TMEM50B: variants seen among roughly 807,000 people sequenced by gnomAD.
The protein encoded by TMEM50B is HCV p7-trans-regulated protein 3.
In TMEM50B, 14 loss-of-function variants were observed where a neutral mutation model predicts 23.4. The observed-to-expected ratio is 0.60, with a 90% CI of 0.39 to 0.93. TMEM50B has a LOEUF of 0.93. Ranked by LOEUF, TMEM50B falls within the 40% of genes least tolerant of loss-of-function variation. The pLI is 0.00. For synonymous variants in TMEM50B, 64 were observed against 62.3 expected (o/e 1.03, Z -0.13); for missense variants, 159 against 193.0 (o/e 0.82, Z 1.04).
chr21:33,470,424 CAAAAAAA>C (rs71194848), intron 1 of TMEM50B, among the ~76,000 whole-genome samples: 5 of 65,962 alleles, frequency 7.6e-5, no homozygotes, highest in Non-Finnish European at 1.4e-4. Flanking sequence ...GACTGTGTCT[CAAAAAAA>C]AAAAAAAAAA....
At chr21:33,458,089 C>T (rs572403548) in intron 5 of TMEM50B, among the ~76,000 whole-genome samples, 1 of 152,262 alleles carries the variant, frequency 6.6e-6, no homozygotes, top group African/African-American at 2.4e-5. Context: ...TGAAGCTCTC[C>T]GAACCTCTTC....
Position 33,458,511 on chromosome 21 carries a change from C to G in TMEM50B, c.373+1902G>C, listed in dbSNP as rs2084189752. Among the ~76,000 whole-genome samples, 3 of 152,032 alleles carry G rather than the reference C, an allele frequency of 2.0e-5. No individual in the cohort carries two copies. In the South Asian group the frequency reaches 6.2e-4, roughly 31 times the overall value. On this transcript the variant is annotated intron_variant, in intron 5 of 6. Transcript: ENST00000542230. The stretch of plus-strand genomic sequence containing the variant: ...CCTGGGCGACAGAGCAAGGTTCTGT[C>G]TCAAAAAAACACTTTCCTATAAGAT...
chr21:33,455,387 T>C (rs1297740029), intron 6 of TMEM50B, among the ~76,000 whole-genome samples: 6 of 152,086 alleles, frequency 3.9e-5, no homozygotes, highest in Non-Finnish European at 8.8e-5. Context: ...GGTTTTGCCA[T>C]GTTGCCCAGG....
chr21:33,457,759 T>C (rs184785504), intron 5 of TMEM50B, among the ~76,000 whole-genome samples: 331 of 152,144 alleles, frequency 2.2e-3, no homozygotes, highest in African/African-American at 4.0e-3. Flanking sequence ...CTATAGAAAC[T>C]GTAAAGCTCA....
At position 33,471,809 on chromosome 21, in the gene TMEM50B, G is replaced by A. The variant is rs2084318755; in HGVS notation, c.-41-2883C>T. 2.6e-5 allele frequency among the ~76,000 whole-genome samples: 4 copies of A among 152,114 alleles called. No homozygotes were observed. In the South Asian group the frequency reaches 8.3e-4, roughly 32 times the overall value. ...CCAGCACTTTGGGAGGCCGAGGCAG[G>A]CGGATCACGAGGTCAGGAGATCGAG... On this transcript the variant is annotated intron_variant, in intron 1 of 6. Transcript: ENST00000542230.
At chr21:33,466,892 T>G in intron 3 of TMEM50B, 118 bp downstream of exon 3, 1 of 728,838 alleles carries the variant, frequency 1.4e-6, no homozygotes, top group South Asian at 2.0e-5. Context: ...TATGTATGTA[T>G]CATGTTAAAA....
intron 7 of TMEM50B, among the ~76,000 whole-genome samples, chr21:33,441,897 C>T (rs1200240894): frequency 1.3e-5 from 2 of 152,188 alleles, no homozygotes; most frequent in Non-Finnish European, 2.9e-5. Context: ...TTCTAAAATG[C>T]TGGGATTACA....
rs1412302599 is a variant in TMEM50B at position 33,467,006 on chromosome 21, T to C, written c.212+4A>G. 7 of 1,608,092 alleles carry C rather than the reference T, an allele frequency of 4.4e-6. No homozygotes were observed. Among genetic ancestry groups the C allele is most frequent in the Non-Finnish European group, 6.0e-6 (7 of 1,174,964 alleles). On this transcript the variant is annotated splice_donor_region_variant and intron_variant, in intron 3 of 6. Coordinates refer to ENST00000542230, the MANE Select transcript of TMEM50B (RefSeq NM_006134.7). ...CTTGAATAGAGAATTATCTTCATAC[T>C]TACATGAAGAAAGCCAATGTGGAAA...
intron 1 of TMEM50B, among the ~76,000 whole-genome samples, chr21:33,477,747 G>C (rs548826507): frequency 6.6e-6 from 1 of 151,648 alleles, no homozygotes; most frequent in Non-Finnish European, 1.5e-5. Flanking sequence ...GGAGGCGGAG[G>C]TTGCAGTGAG....
rs1366201748 is a variant in TMEM50B, at chr21:33,450,162, A to AT, written c.*655dup. 6.7e-6 allele frequency: 1 copy of AT among 150,244 alleles called. No individual in the cohort carries two copies. The highest frequency in any genetic ancestry group is 2.4e-5 in the African/African-American group (1 of 40,882). The allele number at this position is 150,244 out of a possible 1,614,324, so 9.3% of individuals were successfully genotyped here. ...GCTCATTCTAGATATATGAAGCTAT[A>AT]TTTTTTTGTACATCTTCAGAAATCA... On this transcript the variant is annotated 3_prime_UTR_variant, in exon 7 of 7. Coordinates refer to ENST00000542230, the MANE Select transcript of TMEM50B (RefSeq NM_006134.7).
chr21:33,439,256 T>G (rs1010311574), exon 8 of TMEM50B: 5 of 152,224 alleles, frequency 3.3e-5, no homozygotes, highest in African/African-American at 1.2e-4. Context: ...GCTTCTTCTG[T>G]TGGGCAGCAG....
At chr21:33,460,187 T>A (rs2084204512) in intron 5 of TMEM50B, among the ~76,000 whole-genome samples, 1 of 152,236 alleles carries the variant, frequency 6.6e-6, no homozygotes, top group Admixed American at 6.5e-5. Context: ...TGGAGACAGC[T>A]GAGAGGTACC....
intron 7 of TMEM50B, among the ~76,000 whole-genome samples, chr21:33,441,846 G>C (rs910174239): frequency 6.6e-6 from 1 of 152,128 alleles, no homozygotes; most frequent in Non-Finnish European, 1.5e-5. Context: ...GCCCAGGCTG[G>C]TCTTGAACTC....
chr21:33,441,232 A>C (rs1393443549), intron 7 of TMEM50B, among the ~76,000 whole-genome samples: 2 of 152,072 alleles, frequency 1.3e-5, no homozygotes, highest in Non-Finnish European at 2.9e-5. Context: ...TCTGTCTCAA[A>C]AAAAAAAAGG....
chr21:33,473,557 T>G (rs1348591079), intron 1 of TMEM50B, among the ~76,000 whole-genome samples: 1 of 150,222 alleles, frequency 6.7e-6, no homozygotes, highest in African/African-American at 2.5e-5. Flanking sequence ...GCACTTGTAG[T>G]CTCAGCTACT....
chr21:33,445,035 G>A (rs934873976), downstream of TMEM50B, among the ~76,000 whole-genome samples: 1 of 148,174 alleles, frequency 6.7e-6, no homozygotes, highest in African/African-American at 2.5e-5. Context: ...GAGGTGGGAG[G>A]ATCGCTTGAG....
chr21:33,464,222 A>G, intron 4 of TMEM50B, among the ~76,000 whole-genome samples: 3 of 139,742 alleles, frequency 2.1e-5, no homozygotes, highest in South Asian at 2.3e-4. Flanking sequence ...TTTGAGACGG[A>G]GTTTCACTCT....
chr21:33,474,636 G>A (rs548686152), intron 1 of TMEM50B, among the ~76,000 whole-genome samples: 91 of 145,566 alleles, frequency 6.3e-4, no homozygotes, highest in African/African-American at 2.2e-3. Context: ...CAAGCTGGGC[G>A]TGGTGGTGGA....
intron 2 of TMEM50B, 131 bp from the exon 3 acceptor site, chr21:33,467,253 A>G (rs764585644): frequency 1.4e-6 from 1 of 731,558 alleles, no homozygotes; most frequent in Non-Finnish European, 2.2e-6. Flanking sequence ...TAATCCCAGC[A>G]CTTTGGGAGG....
Sources: gnomAD v4.1 joint callset for allele counts (sites outside exome capture counted in the v4.1 genomes callset) on GRCh38, gnomAD v4.1.1 for gene constraint, MANE v1.5 for transcripts, NCBI Gene and HGNC (gene_info 2026-07-23, HGNC 2026-07-21) for gene names.